The following TRIOBP variants were observed in gnomAD, a reference collection of about 807,000 sequenced individuals.
The protein encoded by TRIOBP is TRIO and F-actin-binding protein.
A neutral mutation model predicts 238.8 loss-of-function variants in TRIOBP; 169 were observed. That is an observed-to-expected ratio of 0.71 (90% CI 0.62 to 0.80). The LOEUF is 0.80. TRIOBP is among the 30% of genes least tolerant of loss of function. The probability of loss-of-function intolerance (pLI) is 0.00; values close to 1 mark genes in which losing one functional copy is unlikely to be tolerated. For missense variants in TRIOBP, 2,838 were observed against 3,122.6 expected (o/e 0.91, Z 2.17); for synonymous variants, 1,150 against 1,274.4 (o/e 0.90, Z 2.08).
At chr22:37,746,211 G>GT in intron 11 of TRIOBP, 1 of 678,512 alleles carries the variant, frequency 1.5e-6, no homozygotes, top group Non-Finnish European at 1.8e-6. Context: ...CTCCCAGGAA[G>GT]TTTGAAAAAA....
At chr22:37,711,588 A>AC (rs1485473728) in intron 4 of TRIOBP, among the ~76,000 whole-genome samples, 158 of 37,062 alleles carry the variant, frequency 4.3e-3, no homozygotes, top group Admixed American at 0.019. Context: ...CAAAAAAAAA[A>AC]AAAACAACAA....
intron 10 of TRIOBP, among the ~76,000 whole-genome samples, chr22:37,739,688 G>A (rs1456474227): frequency 6.6e-6 from 1 of 152,198 alleles, no homozygotes; most frequent in Non-Finnish European, 1.5e-5. Context: ...GTAACTTCGA[G>A]CAGTCCAGTC....
chr22:37,751,389 C>T (rs1305757532), intron 11 of TRIOBP: 4 of 359,058 alleles, frequency 1.1e-5, no homozygotes, highest in East Asian at 7.0e-5. Context: ...GGACAGTTCG[C>T]GCAGTGCTGC....
intron 6 of TRIOBP, among the ~76,000 whole-genome samples, chr22:37,718,907 C>T (rs1318400510): frequency 7.6e-6 from 1 of 132,058 alleles, no homozygotes; most frequent in Non-Finnish European, 1.6e-5. Flanking sequence ...AGTGCAGTGG[C>T]GCGATCTCAG....
chr22:37,761,897 G>A (rs1476806142), intron 17 of TRIOBP, among the ~76,000 whole-genome samples: 2 of 151,800 alleles, frequency 1.3e-5, no homozygotes, highest in African/African-American at 2.4e-5. Context: ...AGGGAGCTGG[G>A]GGCCCAACAC....
At position 37,769,389 on chromosome 22, in the gene TRIOBP, C is replaced by T; in HGVS notation, c.6849+14C>T. 1.9e-6 allele frequency: 3 copies of T among 1,584,458 alleles called. No homozygotes were observed. The highest frequency in any genetic ancestry group is 1.8e-5 in the Admixed American group (1 of 57,018). ...TGCGAGCTAGAGGTGAGTGTCCTCA[C>T]TAGCACCAGGCAGCCCAGTGGTTCT... On this transcript the variant is annotated intron_variant, in intron 21 of 23. Transcript: ENST00000644935.
At chr22:37,735,591 C>A in intron 9 of TRIOBP, 149 bp downstream of exon 9, 1 of 913,868 alleles carries the variant, frequency 1.1e-6, no homozygotes, top group Non-Finnish European at 1.7e-6. Flanking sequence ...CACAACCCAT[C>A]CCGATCACCA....
At chr22:37,768,252 C>A in intron 19 of TRIOBP, 76 bp downstream of exon 19, 1 of 1,228,804 alleles carries the variant, frequency 8.1e-7, no homozygotes, top group Non-Finnish European at 1.2e-6. Context: ...CCCTTGGCAG[C>A]GGACACATCA....
chr22:37,759,373 T>C, intron 17 of TRIOBP, 109 bp downstream of exon 17: 1 of 1,306,830 alleles, frequency 7.7e-7, no homozygotes. Flanking sequence ...CTGGAACCTG[T>C]GTGGGGCATT....
chr22:37,740,430 G>C (rs1292145824), intron 10 of TRIOBP, among the ~76,000 whole-genome samples: 1 of 152,234 alleles, frequency 6.6e-6, no homozygotes, highest in East Asian at 1.9e-4. Context: ...ATGGTGAGAA[G>C]GTGGGGGGGC....
rs754204323 is a variant in TRIOBP at position 37,701,351 on chromosome 22, C to T, written c.-15C>T. ...CATTGGATCATAGGAACTGCCCTGG[C>T]CTGACTCACCCAATATGGAGGAGGT... is the stretch of plus-strand genomic sequence containing the variant. On this transcript the variant is annotated 5_prime_UTR_variant, in exon 3 of 24. Transcript: ENST00000644935. 1.9e-6 allele frequency: 3 copies of T among 1,600,646 alleles called. No homozygotes were observed. The highest frequency in any genetic ancestry group is 1.1e-5 in the South Asian group (1 of 89,530).
At chr22:37,770,640 G>A (rs1045282262) in intron 21 of TRIOBP, among the ~76,000 whole-genome samples, 1 of 151,656 alleles carries the variant, frequency 6.6e-6, no homozygotes, top group Non-Finnish European at 1.5e-5. Flanking sequence ...GCCTCTCAAA[G>A]TGTTGGGATT....
In TRIOBP at chr22:37,726,260, G is replaced by T; in HGVS notation, c.3704G>T (p.Ser1235Ile). ...RASSPPRHPP[S>I]DLAFLAPSPS... ...TCCTCCCCACCCCGCCACCCACCCAGTGACCTAGCGTTCCTGGCACCCTCA... is the reference window on the plus strand; with the variant it reads ...TCCTCCCCACCCCGCCACCCACCCATTGACCTAGCGTTCCTGGCACCCTCA... Residue 1235 changes from serine (S) to isoleucine (I), a missense_variant, in exon 7 of 24, where the codon AGT becomes ATT. Physicochemically the swap from Ser to Ile is moderately radical, Grantham distance 142. Transcript: ENST00000644935. 6.2e-7 allele frequency: 1 copy of T among 1,610,606 alleles called. No homozygotes were observed. The highest frequency in any genetic ancestry group is 1.7e-5 in the Admixed American group (1 of 59,958).
intron 12 of TRIOBP, among the ~76,000 whole-genome samples, chr22:37,752,493 C>T (rs1461460763): frequency 1.3e-5 from 2 of 152,222 alleles, no homozygotes; most frequent in African/African-American, 4.8e-5. Flanking sequence ...GGCTCCCTGC[C>T]CACACTGCCT....
chr22:37,769,176 C>T lies in TRIOBP; in HGVS notation c.6724C>T (p.Arg2242Cys), dbSNP rs779968784. The T allele has an allele frequency of 1.1e-5, 17 of 1,608,258 alleles. No homozygotes were observed. The highest frequency in any genetic ancestry group is 2.7e-5 in the African/African-American group (2 of 74,824). The change falls in exon 20 of 24, where the codon CGC (arginine) becomes TGC (cysteine). Residue 2242 changes from arginine to cysteine, a missense_variant. Around this residue, in one of 5 missense-constraint regions of TRIOBP, gnomAD observed 2,096 missense variants for 2,137.4 expected, o/e 0.98. Coordinates refer to ENST00000644935, the MANE Select transcript of TRIOBP (RefSeq NM_001039141.3). ...CCAGCAGGAGGGCCAGGAGCTGCTG[C>T]GCCACAACCAGGTGGGCCTGGCCCC... ...RCQQEGQELLRHNQELHGRLS... is the reference protein window; with the variant it reads ...RCQQEGQELLCHNQELHGRLS...
intron 12 of TRIOBP, among the ~76,000 whole-genome samples, chr22:37,753,177 TC>T (rs1391282553): frequency 6.6e-6 from 1 of 151,992 alleles, no homozygotes; most frequent in East Asian, 1.9e-4. Context: ...TTGGTGTCCA[TC>T]CCTATGCCAA....
chr22:37,716,321 C>T (rs1025460795), intron 6 of TRIOBP, among the ~76,000 whole-genome samples: 19 of 150,812 alleles, frequency 1.3e-4, no homozygotes, highest in Non-Finnish European at 3.0e-5. Flanking sequence ...CATGTTAGCC[C>T]AGCTGGTCTC....
rs574739199 is a variant in TRIOBP at position 37,764,019 on chromosome 22, G to T, written c.6325-1651G>T. Reference sequence around the variant, plus strand: ...AGTCCTTCTCCTGCCACGTCACTCTGACCATCCCTTCCTGGTCACACCTCC... The same window carrying T: ...AGTCCTTCTCCTGCCACGTCACTCTTACCATCCCTTCCTGGTCACACCTCC... On this transcript the variant is annotated intron_variant, in intron 17 of 23. Transcript: ENST00000644935. 2.0e-5 allele frequency among the ~76,000 whole-genome samples: 3 copies of T among 152,294 alleles called. No homozygotes were observed. The East Asian group carries it at 5.8e-4, about 29-fold the overall frequency.
At position 37,756,368 on chromosome 22, in the gene TRIOBP, C is replaced by T. The variant is rs371544456; in HGVS notation, c.5687+709C>T. Among the ~76,000 whole-genome samples the T allele has an allele frequency of 3.0e-3, 452 of 152,262 alleles. 1 individual carries two copies. Among genetic ancestry groups the T allele is most frequent in the African/African-American group, 0.01 (426 of 41,550 alleles). Reference sequence around the variant, plus strand: ...CTGAGGTGGGAGGATCACCTGAGCCCGGAGGCCGAGTCCCCCAGACTGGCC... The same window carrying T: ...CTGAGGTGGGAGGATCACCTGAGCCTGGAGGCCGAGTCCCCCAGACTGGCC... On this transcript the variant is annotated intron_variant, in intron 15 of 23. Transcript: ENST00000644935.
Sources: gnomAD v4.1 joint callset for allele counts (sites outside exome capture counted in the v4.1 genomes callset) on GRCh38, gnomAD v4.1.1 for gene constraint, gnomAD v4.1.1 regional missense constraint, MANE v1.5 for transcripts, NCBI Gene and HGNC (gene_info 2026-07-23, HGNC 2026-07-21) for gene names.